The following SPATC1 variants were observed in gnomAD, a reference collection of about 807,000 sequenced individuals.
The protein encoded by SPATC1 is speriolin.
In SPATC1, 35 loss-of-function variants were observed where a neutral mutation model predicts 36.5. The ratio of observed to expected loss-of-function variants is 0.96; its 90% confidence interval spans 0.73 to 1.27. SPATC1 has a LOEUF of 1.27. Among genes scored for constraint, SPATC1 ranks in the 50% most tolerant of loss-of-function variants. The pLI is 0.00. For synonymous variants in SPATC1, 361 were observed against 353.6 expected (o/e 1.02, Z -0.24); for missense variants, 779 against 796.0 (o/e 0.98, Z 0.26).
intron 1 of SPATC1, among the ~76,000 whole-genome samples, chr8:144,025,326 CGTGAG>C (rs1834655681): frequency 6.6e-6 from 1 of 152,184 alleles, no homozygotes; most frequent in African/African-American, 2.4e-5. Flanking sequence ...GGATTCCAGT[CGTGAG>C]GCCAGGTGTC....
intron 1 of SPATC1, among the ~76,000 whole-genome samples, chr8:144,037,677 C>T (rs1299224585): frequency 3.3e-5 from 5 of 151,860 alleles, no homozygotes; most frequent in East Asian, 3.8e-4. Flanking sequence ...TGTGGAAGGC[C>T]GCAGGGTCCT....
chr8:144,023,442 A>C (rs1420390149), intron 1 of SPATC1, among the ~76,000 whole-genome samples: 7 of 23,002 alleles, frequency 3.0e-4, no homozygotes, highest in Admixed American at 3.9e-4. Flanking sequence ...CCTCTTTTCT[A>C]AGGACCTTCT....
At position 144,040,008 on chromosome 8, in the gene SPATC1, T is replaced by G. The variant is rs781931960; in HGVS notation, c.311T>G (p.Leu104Trp). 5 of 1,613,880 alleles carry G rather than the reference T, an allele frequency of 3.1e-6. No homozygotes were observed. Among genetic ancestry groups the G allele is most frequent in the Non-Finnish European group, 4.2e-6 (5 of 1,179,984 alleles). The change falls in exon 2 of 5, where the codon TTG becomes TGG. Residue 104 changes from leucine (L) to tryptophan (W), a missense_variant. By Grantham distance (61) the Leu-to-Trp change is moderately conservative. Coordinates refer to ENST00000377470, the MANE Select transcript of SPATC1 (RefSeq NM_198572.3). ...LAPLAEMLTS[L>W]QPSATPGSLM... is the part of the protein sequence containing the mutation. Reference sequence around the variant, plus strand: ...CCCCTGGCCGAGATGCTAACCAGCTTGCAGCCCAGCGCCACACCGGGCTCA... The same window carrying G: ...CCCCTGGCCGAGATGCTAACCAGCTGGCAGCCCAGCGCCACACCGGGCTCA...
rs576544596 is a variant in SPATC1, at chr8:144,040,882, G to GC, written c.1087dup (p.His363ProfsTer8). 2.3e-5 allele frequency: 37 copies of GC among 1,584,640 alleles called. No individual in the cohort carries two copies. The highest frequency in any genetic ancestry group is 2.8e-5 in the Non-Finnish European group (33 of 1,164,446). The stretch of plus-strand genomic sequence containing the variant: ...AAGCACCACCCACATCGCCCAGGGT[G>GC]CCCCCCATCCCCCTTCCCGAATGCA... On this transcript the variant is annotated frameshift_variant, in exon 3 of 5. Transcript: ENST00000377470. LOFTEE classifies it high-confidence loss of function.
chr8:144,021,034 A>T (rs1587493078), intron 1 of SPATC1, among the ~76,000 whole-genome samples: 1 of 2,616 alleles, frequency 3.8e-4, no homozygotes, highest in Non-Finnish European at 6.6e-4. Flanking sequence ...ACCTTCCCCC[A>T]TCAGGACTCT....
intron 1 of SPATC1, among the ~76,000 whole-genome samples, chr8:144,026,150 A>G (rs923028290): frequency 6.6e-5 from 10 of 151,994 alleles, no homozygotes; most frequent in Non-Finnish European, 1.2e-4. Context: ...GTTTGTATGA[A>G]TTTGCCCATT....
At chr8:144,018,173 TGTCAGCAA>T (rs1834430166) in intron 1 of SPATC1, among the ~76,000 whole-genome samples, 1 of 152,126 alleles carries the variant, frequency 6.6e-6, no homozygotes, top group Non-Finnish European at 1.5e-5. Flanking sequence ...AAGGGGACAG[TGTCAGCAA>T]GGTAAAGGCT....
intron 1 of SPATC1, among the ~76,000 whole-genome samples, chr8:144,018,026 C>G (rs2133100750): frequency 6.6e-6 from 1 of 152,200 alleles, no homozygotes; most frequent in Admixed American, 6.5e-5. Context: ...GCGAGGCCAT[C>G]TGGGAAGAGA....
chr8:144,044,704 T>G (rs1835212524), intron 4 of SPATC1, among the ~76,000 whole-genome samples: 1 of 151,670 alleles, frequency 6.6e-6, no homozygotes, highest in Admixed American at 6.5e-5. Flanking sequence ...CCCAGCACTG[T>G]GGGAGGCCGA....
Position 144,041,256 on chromosome 8 carries a change from G to C in SPATC1, c.1331G>C (p.Arg444Thr). 6.2e-7 allele frequency: 1 copy of C among 1,613,128 alleles called. No homozygotes were observed. Among genetic ancestry groups the C allele is most frequent in the South Asian group, 1.1e-5 (1 of 91,062 alleles). Reference protein sequence around the residue: ...PRESKQLAWERLVGEIAFQLD... With the variant: ...PRESKQLAWETLVGEIAFQLD... ...GAGTCGAAGCAGCTGGCCTGGGAGA[G>C]GCTGGTGGGTGAGATTGCCTTCCAG... Residue 444 changes from arginine (R) to threonine (T), a missense_variant, in exon 4 of 5, where the codon AGG becomes ACG. Coordinates refer to ENST00000377470, the MANE Select transcript of SPATC1 (RefSeq NM_198572.3).
rs544321627 is a variant in SPATC1, at chr8:144,046,808, C to T, written c.1628C>T (p.Ala543Val). 1.0e-5 allele frequency: 16 copies of T among 1,605,736 alleles called. 1 individual carries two copies. The highest frequency in any genetic ancestry group is 1.7e-4 in the Middle Eastern group (1 of 6,060). Residue 543 changes from alanine to valine, a missense_variant, in exon 5 of 5, where the codon GCG becomes GTG. By Grantham distance (64) the Ala-to-Val change is moderately conservative. Coordinates refer to ENST00000377470, the MANE Select transcript of SPATC1 (RefSeq NM_198572.3). This position sits in a 1 kb window ranked among gnomAD's most constrained non-coding sequence, Gnocchi z 6.6. Reference protein sequence around the residue: ...GILRERPELAASEGGPYTVDF... With the variant: ...GILRERPELAVSEGGPYTVDF... ...CTGCGAGAGCGCCCGGAGCTGGCGG[C>T]GTCTGAGGGCGGCCCCTACACCGTG...
intron 1 of SPATC1, among the ~76,000 whole-genome samples, chr8:144,014,793 C>A (rs1183825106): frequency 3.9e-5 from 6 of 152,218 alleles, no homozygotes; most frequent in Non-Finnish European, 5.9e-5. Context: ...AAAGCCCTGA[C>A]CCATGTGTGT....
intron 1 of SPATC1, among the ~76,000 whole-genome samples, chr8:144,031,225 C>T (rs1000049636): frequency 1.3e-5 from 2 of 152,056 alleles, no homozygotes; most frequent in African/African-American, 4.8e-5. Context: ...ATCCCCTCAG[C>T]TTTTGTTTAT....
intron 1 of SPATC1, among the ~76,000 whole-genome samples, chr8:144,036,755 G>A (rs1834906122): frequency 6.6e-6 from 1 of 152,072 alleles, no homozygotes; most frequent in Non-Finnish European, 1.5e-5. Context: ...TTCCAAGGGA[G>A]CCTGTAAAAT....
Position 144,016,712 on chromosome 8 carries a change from C to T in SPATC1, c.211+3986C>T, listed in dbSNP as rs1218908314. 3.3e-5 allele frequency among the ~76,000 whole-genome samples: 5 copies of T among 152,066 alleles called. No homozygotes were observed. Among genetic ancestry groups the T allele is most frequent in the Non-Finnish European group, 1.5e-5 (1 of 67,998 alleles). On this transcript the variant is annotated intron_variant, in intron 1 of 4. Transcript: ENST00000377470. The surrounding 1 kb of genome is among the most constrained non-coding windows in gnomAD (Gnocchi z 4.5). ...GTGCAATGGCGCAATCTCGGCTCACCGCAACCTCCACCTCCCGAGTTCAAG... is the reference window on the plus strand; with the variant it reads ...GTGCAATGGCGCAATCTCGGCTCACTGCAACCTCCACCTCCCGAGTTCAAG...
At chr8:144,035,651 T>C (rs1388318463) in intron 1 of SPATC1, among the ~76,000 whole-genome samples, 1 of 152,238 alleles carries the variant, frequency 6.6e-6, no homozygotes, top group African/African-American at 2.4e-5. Context: ...CCATGGCCTG[T>C]CCAGTGCTGT....
chr8:144,036,115 T>C (rs1834893486), intron 1 of SPATC1, among the ~76,000 whole-genome samples: 1 of 152,032 alleles, frequency 6.6e-6, no homozygotes. Context: ...GAACAAGAAA[T>C]CATAAAAGAC....
intron 1 of SPATC1, among the ~76,000 whole-genome samples, chr8:144,024,575 C>A (rs1464857607): frequency 6.7e-6 from 1 of 150,050 alleles, no homozygotes; most frequent in Non-Finnish European, 1.5e-5. Context: ...CTTCAGAACC[C>A]TTTCCCTAAG....
intron 4 of SPATC1, among the ~76,000 whole-genome samples, chr8:144,042,311 A>ATTTTTT (rs1184651892): frequency 2.1e-4 from 5 of 23,880 alleles, no homozygotes; most frequent in African/African-American, 7.2e-4. Flanking sequence ...ATATATATAT[A>ATTTTTT]TTTTTTTTTT....
Sources: allele counts gnomAD v4.1 joint callset (sites outside exome capture counted in the v4.1 genomes callset), GRCh38; gene constraint gnomAD v4.1.1; non-coding constraint Gnocchi (gnomAD v3.1); transcripts MANE v1.5; gene names NCBI Gene and HGNC (gene_info 2026-07-23, HGNC 2026-07-21).